ACOT12: variants seen among roughly 807,000 people sequenced by gnomAD.
ACOT12 encodes acyl-CoA thioesterase 12.
A neutral mutation model predicts 67.7 loss-of-function variants in ACOT12; 51 were observed. The observed-to-expected ratio is 0.75, with a 90% CI of 0.60 to 0.95. The LOEUF is 0.95. Among genes scored for constraint, ACOT12 ranks in the 40% least tolerant of loss-of-function variants. ACOT12 has a pLI of 0.00. For missense variants in ACOT12, 734 were observed against 708.1 expected (o/e 1.04, Z -0.41); for synonymous variants, 251 against 244.6 (o/e 1.03, Z -0.24).
chr5:81,323,323 G>A, the ACOT12 span, among the ~76,000 whole-genome samples: 2 of 152,074 alleles, frequency 1.3e-5, no homozygotes, highest in African/African-American at 4.8e-5. Flanking sequence ...AACCTAGCTG[G>A]GCTTGTCCAC....
chr5:81,386,866 A>G (rs1365034190), intron 1 of ACOT12, among the ~76,000 whole-genome samples: 1 of 152,148 alleles, frequency 6.6e-6, no homozygotes, highest in Non-Finnish European at 1.5e-5. Flanking sequence ...TTGGACATTC[A>G]AATGTTCAAG....
At chr5:81,389,301 C>T (rs1760805825) in intron 1 of ACOT12, among the ~76,000 whole-genome samples, 1 of 152,108 alleles carries the variant, frequency 6.6e-6, no homozygotes, top group South Asian at 2.1e-4. Context: ...TGAGGACAGG[C>T]TATGCACAGG....
chr5:81,356,077 G>A (rs1223465100), intron 5 of ACOT12, among the ~76,000 whole-genome samples: 1 of 152,008 alleles, frequency 6.6e-6, no homozygotes, highest in African/African-American at 2.4e-5. Flanking sequence ...TTGTACATGT[G>A]CTTCAAACAA....
At chr5:81,381,614 A>T (rs1011766434) in intron 2 of ACOT12, among the ~76,000 whole-genome samples, 7 of 152,110 alleles carry the variant, frequency 4.6e-5, no homozygotes, top group Non-Finnish European at 7.3e-5. Flanking sequence ...ATTTCTTTAC[A>T]TTAAAAAAAA....
chr5:81,337,230 A>G (rs1759033383), intron 11 of ACOT12, among the ~76,000 whole-genome samples: 1 of 152,314 alleles, frequency 6.6e-6, no homozygotes, highest in South Asian at 2.1e-4. Context: ...GGGCTCTGCA[A>G]TCTCAGAGGA....
the ACOT12 span, among the ~76,000 whole-genome samples, chr5:81,319,258 G>A: frequency 6.6e-6 from 1 of 152,186 alleles, no homozygotes; most frequent in Non-Finnish European, 1.5e-5. Flanking sequence ...CCTTCTCCCT[G>A]TTGGAAAGCT....
downstream of ACOT12, among the ~76,000 whole-genome samples, chr5:81,325,855 G>T (rs1252242015): frequency 6.6e-6 from 1 of 152,142 alleles, no homozygotes; most frequent in Admixed American, 6.5e-5. Flanking sequence ...CTGTCTCCCA[G>T]GCTGGAGTGT....
At chr5:81,372,221 A>G (rs1760276315) in intron 2 of ACOT12, among the ~76,000 whole-genome samples, 1 of 152,204 alleles carries the variant, frequency 6.6e-6, no homozygotes, top group Non-Finnish European at 1.5e-5. Flanking sequence ...AAAGGCAAGC[A>G]AGCAAACTGA....
At chr5:81,310,044 C>G in the ACOT12 span, among the ~76,000 whole-genome samples, 3 of 151,042 alleles carry the variant, frequency 2.0e-5, no homozygotes, top group Admixed American at 1.3e-4. Context: ...TATAAAGAGG[C>G]CAGGGCCTGG....
rs552102106 is a variant in ACOT12 at position 81,354,283 on chromosome 5, A to C, written c.496+5620T>G. Among the ~76,000 whole-genome samples the C allele has an allele frequency of 1.8e-4, 28 of 152,342 alleles. 1 individual carries two copies. In the South Asian group the frequency reaches 2.7e-3, roughly 15 times the overall value. ...TCTGGCCAACTTTGTAACACACTGA[A>C]ACTCAAGTCAATTGCAATCGTTTTA... is the stretch of plus-strand genomic sequence containing the variant. On this transcript the variant is annotated intron_variant, in intron 5 of 14. Coordinates refer to ENST00000307624, the MANE Select transcript of ACOT12 (RefSeq NM_130767.3).
intron 12 of ACOT12, among the ~76,000 whole-genome samples, chr5:81,334,645 A>G (rs1361882716): frequency 6.6e-6 from 1 of 152,238 alleles, no homozygotes; most frequent in African/African-American, 2.4e-5. Context: ...TGAGTTTTAG[A>G]AAATTTGAAG....
At position 81,330,225 on chromosome 5, in the gene ACOT12, A is replaced by G. The variant is rs1758769733; in HGVS notation, c.*169T>C. 1 of 667,766 alleles carries G rather than the reference A, an allele frequency of 1.5e-6. No homozygotes were observed. Among genetic ancestry groups the G allele is most frequent in the East Asian group, 2.8e-5 (1 of 35,406 alleles). 41.4% of individuals were successfully genotyped at this position (667,766 alleles called of 1,614,324 possible). ...TAAAGCTCTTTTAATGCTAATCCAA[A>G]TCACTGGTATTTGACTTAAGATGCA... is the stretch of plus-strand genomic sequence containing the variant. On this transcript the variant is annotated 3_prime_UTR_variant, in exon 15 of 15. Transcript: ENST00000307624.
intron 2 of ACOT12, among the ~76,000 whole-genome samples, chr5:81,376,415 T>G (rs1760414362): frequency 6.6e-6 from 1 of 150,622 alleles, no homozygotes; most frequent in South Asian, 2.1e-4. Context: ...CACCCTAACA[T>G]CACAATTAAA....
chr5:81,356,425 C>T (rs535424830), intron 5 of ACOT12, among the ~76,000 whole-genome samples: 35 of 152,270 alleles, frequency 2.3e-4, no homozygotes, highest in African/African-American at 7.7e-4. Context: ...TGGATCCTCT[C>T]TTAGATGCCT....
At chr5:81,376,589 T>C (rs1386045914) in intron 2 of ACOT12, among the ~76,000 whole-genome samples, 1 of 151,978 alleles carries the variant, frequency 6.6e-6, no homozygotes, top group Non-Finnish European at 1.5e-5. Context: ...GATAGACCCC[T>C]ATCCGGACTA....
rs72771180 is a variant in ACOT12 at position 81,346,424 on chromosome 5, C to T, written c.654-420G>A. 5.6e-3 allele frequency among the ~76,000 whole-genome samples: 857 copies of T among 152,312 alleles called. 2 individuals are homozygous for T. The highest frequency in any genetic ancestry group is 9.8e-3 in the Non-Finnish European group (667 of 68,026). ...ACAATTCCTCAGCTTTACAGTTAAT[C>T]AAATTCACCCACAGATCAAAAGATA... On this transcript the variant is annotated intron_variant, in intron 6 of 14. Transcript: ENST00000307624.
chr5:81,311,246 T>G, the ACOT12 span: 1 of 1,614,108 alleles, frequency 6.2e-7, no homozygotes, highest in Non-Finnish European at 8.5e-7. Context: ...TGTGGAACAT[T>G]TAAAGAAAGA....
the ACOT12 span, chr5:81,312,527 T>C: frequency 2.5e-6 from 4 of 1,586,926 alleles, no homozygotes; most frequent in Non-Finnish European, 3.4e-6. Context: ...CATTCTGATT[T>C]TTCTATTCCT....
intron 1 of ACOT12, among the ~76,000 whole-genome samples, chr5:81,390,439 A>T (rs1188763976): frequency 6.6e-6 from 1 of 151,416 alleles, no homozygotes; most frequent in Non-Finnish European, 1.5e-5. Context: ...TTTGGCTTTT[A>T]AAAAATAGTT....
Sources: gnomAD v4.1 joint callset for allele counts (sites outside exome capture counted in the v4.1 genomes callset) on GRCh38, gnomAD v4.1.1 for gene constraint, MANE v1.5 for transcripts, NCBI Gene and HGNC (gene_info 2026-07-23, HGNC 2026-07-21) for gene names.